RPS27L: variants seen among roughly 807,000 people sequenced by gnomAD.
RPS27L encodes the protein ribosomal protein S27 like.
A neutral mutation model predicts 12.8 loss-of-function variants in RPS27L; 10 were observed. The ratio of observed to expected loss-of-function variants is 0.78; its 90% confidence interval spans 0.48 to 1.33. The LOEUF (loss-of-function observed/expected upper bound fraction) is 1.33. Among genes scored for constraint, RPS27L ranks in the 40% most tolerant of loss-of-function variants. The pLI, the probability that RPS27L is intolerant of heterozygous loss-of-function variation, is 0.00. For synonymous variants in RPS27L, 26 were observed against 32.3 expected (o/e 0.81, Z 0.66); for missense variants, 81 against 97.4 (o/e 0.83, Z 0.71).
rs868572750 is a variant in RPS27L, at chr15:63,152,386, G to A, written c.*1646C>T. ...AATGTAACTGTTAGGTATTTCTTTT[G>A]GCCAAGGAATGGCCTGAAAAAAATT... On this transcript the variant is annotated 3_prime_UTR_variant, in exon 4 of 4. Transcript: ENST00000330964. 47 of 151,634 alleles carry A rather than the reference G, an allele frequency of 3.1e-4. No individual in the cohort carries two copies. The highest frequency in any genetic ancestry group is 3.0e-3 in the Admixed American group (45 of 15,220). 9.4% of individuals were successfully genotyped at this position (151,634 alleles called of 1,614,324 possible).
chr15:63,156,670 G>C (rs1037952140), intron 1 of RPS27L, 149 bp from the exon 2 acceptor site: 2 of 669,250 alleles, frequency 3.0e-6, no homozygotes, highest in Non-Finnish European at 5.3e-6. Flanking sequence ...TTCGAAACCT[G>C]TTAATAACTT....
chr15:63,155,758 A>T lies in RPS27L; in HGVS notation c.116-27T>A, dbSNP rs201118778. 216 of 1,366,772 alleles carry T rather than the reference A, an allele frequency of 1.6e-4. 3 individuals carry two copies. The East Asian group carries it at 3.3e-3, about 21-fold the overall frequency. 84.7% of individuals were successfully genotyped at this position (1,366,772 alleles called of 1,614,324 possible). ...TAAAAAAAAAAAAAGGCAATGTTAA[A>T]AATGAAAAGCAGAGGAAAACAGCAC... On this transcript the variant is annotated intron_variant, in intron 2 of 3. Transcript: ENST00000330964.
chr15:63,151,713 C>T lies in RPS27L; in HGVS notation c.*2319G>A, dbSNP rs2037300714. 2 of 152,138 alleles carry T rather than the reference C, an allele frequency of 1.3e-5. No individual in the cohort carries two copies. The highest frequency in any genetic ancestry group is 1.3e-4 in the Admixed American group (2 of 15,276). 9.4% of individuals were successfully genotyped at this position (152,138 alleles called of 1,614,324 possible). A position where few individuals can be genotyped will look rare whatever the true frequency, so the allele number is the denominator to read the frequency against. ...GTGCAAGCTGAAGTGCCTTGGAGTA[C>T]CTCAGGAAAAACACTTGACACTGAC... On this transcript the variant is annotated 3_prime_UTR_variant, in exon 4 of 4. Coordinates refer to ENST00000330964, the MANE Select transcript of RPS27L (RefSeq NM_015920.4).
At position 63,157,447 on chromosome 15, in the gene RPS27L, C is replaced by T. The variant is rs765457021; in HGVS notation, c.-42G>A. On this transcript the variant is annotated 5_prime_UTR_variant, in exon 1 of 4. Coordinates refer to ENST00000330964, the MANE Select transcript of RPS27L (RefSeq NM_015920.4). ...GCTCAGCCCTACCAGACCTCCCAGC[C>T]CACACAGCTAGCAAGCTGCAAGCGA... 2.5e-6 allele frequency: 4 copies of T among 1,612,874 alleles called. No homozygotes were observed. The highest frequency in any genetic ancestry group is 3.4e-6 in the Non-Finnish European group (4 of 1,178,952).
chr15:63,157,253 C>T, intron 1 of RPS27L, 147 bp downstream of exon 1: 1 of 903,460 alleles, frequency 1.1e-6, no homozygotes, highest in South Asian at 1.4e-5. Context: ...CACTACATGC[C>T]CGCCACGCGC....
chr15:63,154,347 G>A, intron 3 of RPS27L: 1 of 346,416 alleles, frequency 2.9e-6, no homozygotes, highest in Non-Finnish European at 5.2e-6. Context: ...TTTCAAGCAA[G>A]CTGTCAGAAG....
chr15:63,156,834 A>C, intron 1 of RPS27L: 1 of 527,704 alleles, frequency 1.9e-6, no homozygotes, highest in Admixed American at 3.9e-5. Flanking sequence ...TCGAGGTGCT[A>C]AGCAAAGAAA....
In RPS27L at chr15:63,150,150, TA is replaced by T. The variant is rs2037290611; in HGVS notation, c.*3881del. 6.6e-6 allele frequency: 1 copy of T among 152,186 alleles called. No homozygotes were observed. Among genetic ancestry groups the T allele is most frequent in the African/African-American group, 2.4e-5 (1 of 41,438 alleles). The allele number at this position is 152,186 out of a possible 1,614,324, so 9.4% of individuals were successfully genotyped here. On this transcript the variant is annotated 3_prime_UTR_variant, in exon 4 of 4. Coordinates refer to ENST00000330964, the MANE Select transcript of RPS27L (RefSeq NM_015920.4). ...TGAATGGATAAACATTGTATATTAT[TA>T]CACAGAATATTGTCAAAAAAAGGAA... is the stretch of plus-strand genomic sequence containing the variant.
Position 63,157,431 on chromosome 15 carries a change from T to G in RPS27L, c.-26A>C. Reference sequence around the variant, plus strand: ...GTTGATCCTCTTGCAAGCTCAGCCCTACCAGACCTCCCAGCCCACACAGCT... The same window carrying G: ...GTTGATCCTCTTGCAAGCTCAGCCCGACCAGACCTCCCAGCCCACACAGCT... On this transcript the variant is annotated 5_prime_UTR_variant, in exon 1 of 4. Transcript: ENST00000330964. The G allele has an allele frequency of 1.2e-6, 2 of 1,613,770 alleles. No individual in the cohort carries two copies. Among genetic ancestry groups the G allele is most frequent in the Non-Finnish European group, 1.7e-6 (2 of 1,179,726 alleles).
At position 63,153,966 on chromosome 15, in the gene RPS27L, T is replaced by C. The variant is rs999888204; in HGVS notation, c.*66A>G. The stretch of plus-strand genomic sequence containing the variant: ...TATCTTGGTAAATTAATTAGAATTA[T>C]GGAATTTATGATAAGGCTTTCTGTG... On this transcript the variant is annotated 3_prime_UTR_variant, in exon 4 of 4. Coordinates refer to ENST00000330964, the MANE Select transcript of RPS27L (RefSeq NM_015920.4). 9.4e-6 allele frequency: 12 copies of C among 1,280,142 alleles called. No homozygotes were observed. The African/African-American group carries it at 1.3e-4, about 14-fold the overall frequency. The allele number at this position is 1,280,142 out of a possible 1,614,324, so 79.3% of individuals were successfully genotyped here. A position where few individuals can be genotyped will look rare whatever the true frequency, so the allele number is the denominator to read the frequency against.
rs1414474863 is a variant in RPS27L, at chr15:63,150,561, A to G, written c.*3471T>C. The G allele has an allele frequency of 1.3e-5, 2 of 152,254 alleles. No homozygotes were observed. Among genetic ancestry groups the G allele is most frequent in the Non-Finnish European group, 2.9e-5 (2 of 68,042 alleles). The allele number at this position is 152,254 out of a possible 1,614,324, so 9.4% of individuals were successfully genotyped here. On this transcript the variant is annotated 3_prime_UTR_variant, in exon 4 of 4. Coordinates refer to ENST00000330964, the MANE Select transcript of RPS27L (RefSeq NM_015920.4). ...CAGAAAGGAATTAGAGCTTTATCAG[A>G]TGACTTACAGGAACGACCAGACACA...
Position 63,155,671 on chromosome 15 carries a change from C to T in RPS27L, c.176G>A (p.Cys59Tyr). The T allele has an allele frequency of 6.3e-7, 1 of 1,579,668 alleles. No homozygotes were observed. The highest frequency in any genetic ancestry group is 8.6e-7 in the Non-Finnish European group (1 of 1,163,140). The change falls in exon 3 of 4, where the codon TGT becomes TAT. Residue 59 changes from cysteine to tyrosine, a missense_variant. Coordinates refer to ENST00000330964, the MANE Select transcript of RPS27L (RefSeq NM_015920.4). ...TGTAGGCTGGCACAACACTGTTGAA[C>T]AACCTACACAAAGAACCACTGTCTG... ...HAQTVVLCVGCSTVLCQPTGG... is the reference protein window; with the variant it reads ...HAQTVVLCVGYSTVLCQPTGG...
rs1272393144 is a variant in RPS27L, at chr15:63,152,193, TGCTTGA to T, written c.*1833_*1838del. ...ACTCAGGAGGCAGAGGTGGGAGGCT[TGCTTGA>T]GCCCAGGAGTTTGAGGTCACAATGA... On this transcript the variant is annotated 3_prime_UTR_variant, in exon 4 of 4. Coordinates refer to ENST00000330964, the MANE Select transcript of RPS27L (RefSeq NM_015920.4). 2 of 152,148 alleles carry T rather than the reference TGCTTGA, an allele frequency of 1.3e-5. No homozygotes were observed. Among genetic ancestry groups the T allele is most frequent in the Admixed American group, 1.3e-4 (2 of 15,280 alleles). 9.4% of individuals were successfully genotyped at this position (152,148 alleles called of 1,614,324 possible). A position where few individuals can be genotyped will look rare whatever the true frequency, so the allele number is the denominator to read the frequency against.
At chr15:63,154,441 G>A (rs971223954) in intron 3 of RPS27L, 1 of 175,120 alleles carries the variant, frequency 5.7e-6, no homozygotes, top group Non-Finnish European at 1.2e-5. Context: ...GACCTATTAG[G>A]AAAACTCTAG....
rs1219281384 is a variant in RPS27L at position 63,148,887 on chromosome 15, C to G, written c.*5145G>C. 3.9e-5 allele frequency: 5 copies of G among 127,972 alleles called. No individual in the cohort carries two copies. The highest frequency in any genetic ancestry group is 7.8e-5 in the Non-Finnish European group (5 of 64,474). 7.9% of individuals were successfully genotyped at this position (127,972 alleles called of 1,614,324 possible). ...TTTTTTTTTTTTTTTCTGAGACAGT[C>G]TTGCTCTGTCGCCCAGGCTGGAGTG... is the stretch of plus-strand genomic sequence containing the variant. On this transcript the variant is annotated 3_prime_UTR_variant, in exon 4 of 4. Transcript: ENST00000330964.
chr15:63,155,687 C>T lies in RPS27L; in HGVS notation c.160G>A (p.Val54Ile). ...TTVFSHAQTVVLCVGCSTVLC... is the reference protein window; with the variant it reads ...TTVFSHAQTVILCVGCSTVLC... Reference sequence around the variant, plus strand: ...ACTGTTGAACAACCTACACAAAGAACCACTGTCTGAGCATGGCTGAAAACC... The same window carrying T: ...ACTGTTGAACAACCTACACAAAGAATCACTGTCTGAGCATGGCTGAAAACC... Residue 54 changes from valine (V) to isoleucine (I), a missense_variant, in exon 3 of 4, where the codon GTT (valine) becomes ATT (isoleucine). Coordinates refer to ENST00000330964, the MANE Select transcript of RPS27L (RefSeq NM_015920.4). The T allele has an allele frequency of 1.3e-6, 2 of 1,567,850 alleles. No homozygotes were observed. Among genetic ancestry groups the T allele is most frequent in the Non-Finnish European group, 1.7e-6 (2 of 1,157,910 alleles).
rs963329874 is a variant in RPS27L at position 63,155,615 on chromosome 15, A to G, written c.226+6T>C. 1 of 1,562,038 alleles carries G rather than the reference A, an allele frequency of 6.4e-7. No individual in the cohort carries two copies. The highest frequency in any genetic ancestry group is 1.4e-5 in the African/African-American group (1 of 72,956). ...TCACTGGGTTGGAGAATGCCAAATG[A>G]TATACCTTCTGTGAGTCTGGCCTTT... On this transcript the variant is annotated splice_donor_region_variant and intron_variant, in intron 3 of 3. Transcript: ENST00000330964.
rs1241989194 is a variant in RPS27L at position 63,150,353 on chromosome 15, G to A, written c.*3679C>T. The A allele has an allele frequency of 6.6e-6, 1 of 152,198 alleles. No individual in the cohort carries two copies. Among genetic ancestry groups the A allele is most frequent in the East Asian group, 1.9e-4 (1 of 5,202 alleles). 9.4% of individuals were successfully genotyped at this position (152,198 alleles called of 1,614,324 possible). A position where few individuals can be genotyped will look rare whatever the true frequency, so the allele number is the denominator to read the frequency against. On this transcript the variant is annotated 3_prime_UTR_variant, in exon 4 of 4. Transcript: ENST00000330964. ...CTTAGTGGCTGCCAATGGCTGAGAG[G>A]AGGGAAGAATAGGGAGTGAATGCTG...
Position 63,154,076 on chromosome 15 carries a change from G to C in RPS27L, c.227-16C>G. On this transcript the variant is annotated splice_polypyrimidine_tract_variant and intron_variant, in intron 3 of 3. Transcript: ENST00000330964. ...AATGAACACCCTGCAAAAGAATCAT[G>C]AGAGTATATTAAACAAGTGCATTCT... 1 of 1,600,060 alleles carries C rather than the reference G, an allele frequency of 6.2e-7. No individual in the cohort carries two copies. Among genetic ancestry groups the C allele is most frequent in the Non-Finnish European group, 8.6e-7 (1 of 1,168,540 alleles).
Sources: gnomAD v4.1 joint callset for allele counts on GRCh38, gnomAD v4.1.1 for gene constraint, MANE v1.5 for transcripts, NCBI Gene and HGNC (gene_info 2026-07-23, HGNC 2026-07-21) for gene names.